The following AP2A2 variants were observed in gnomAD, a reference collection of about 807,000 sequenced individuals.
AP2A2 encodes the protein AP-2 complex subunit alpha-2.
Under a neutral mutation model 104.2 loss-of-function variants are expected in AP2A2, and 32 were observed. The observed-to-expected ratio is 0.31, with a 90% CI of 0.23 to 0.41. The LOEUF (loss-of-function observed/expected upper bound fraction) is 0.41. Among genes scored for constraint, AP2A2 ranks in the 10% least tolerant of loss-of-function variants. The probability of loss-of-function intolerance (pLI) is 1.00; values close to 1 mark genes in which losing one functional copy is unlikely to be tolerated. For missense variants in AP2A2, 912 were observed against 1,261.0 expected (o/e 0.72, Z 4.19); for synonymous variants, 539 against 533.3 (o/e 1.01, Z -0.15).
Position 993,348 on chromosome 11 carries a change from T to C in AP2A2, c.1517T>C (p.Phe506Ser), listed in dbSNP as rs1339184487. ...VKVGGYILGE[F>S]GNLIAGDPRS... ...GTGGGCGGCTACATCCTGGGGGAGT[T>C]TGGAAACTTGATAGCTGGAGACCCG... Residue 506 changes from phenylalanine (F) to serine (S), a missense_variant, in exon 12 of 22, where the codon TTT becomes TCT. This residue lies in a region of AP2A2 where 137 missense variants were observed against 186.9 expected (regional missense o/e 0.73). Transcript: ENST00000448903. This position sits in a 1 kb window ranked among gnomAD's most constrained non-coding sequence, Gnocchi z 8.2. The C allele has an allele frequency of 6.2e-7, 1 of 1,612,072 alleles. No individual in the cohort carries two copies. The highest frequency in any genetic ancestry group is 1.7e-4 in the Middle Eastern group (1 of 6,052).
In AP2A2 at chr11:993,554, G is replaced by A. The variant is rs185770774; in HGVS notation, c.1550+173G>A. ...GTTGATAGAAAAAGCAGGGATTCTA[G>A]TAGAAAATGGAGACGTGGGGTTGAT... On this transcript the variant is annotated intron_variant, in intron 12 of 21. Transcript: ENST00000448903. This position sits in a 1 kb window ranked among gnomAD's most constrained non-coding sequence, Gnocchi z 8.2. 9.3e-4 allele frequency among the ~76,000 whole-genome samples: 141 copies of A among 152,280 alleles called. 3 individuals are homozygous for A. Among genetic ancestry groups the A allele is most frequent in the Middle Eastern group, 6.8e-3 (2 of 294 alleles).
intron 2 of AP2A2, among the ~76,000 whole-genome samples, chr11:960,078 C>T (rs1056655146): frequency 4.6e-5 from 7 of 152,136 alleles, no homozygotes; most frequent in African/African-American, 1.7e-4. Context: ...CATACCTTAG[C>T]CACGGTGTAG....
chr11:937,239 C>T (rs561234372), intron 1 of AP2A2, among the ~76,000 whole-genome samples: 2 of 152,032 alleles, frequency 1.3e-5, no homozygotes, highest in East Asian at 1.9e-4. Context: ...AGGCTGGTCT[C>T]GAACTCCCGA....
At chr11:1,003,637 G>A (rs897727875) in intron 15 of AP2A2, 85 bp from the exon 16 acceptor site, 8 of 820,092 alleles carry the variant, frequency 9.8e-6, no homozygotes, top group African/African-American at 8.9e-5. Context: ...TGGCCTCCTC[G>A]TGCTGTGAGT....
intron 1 of AP2A2, among the ~76,000 whole-genome samples, chr11:934,085 G>GTCCT (rs1362242683): frequency 6.6e-6 from 1 of 151,982 alleles, no homozygotes; most frequent in Non-Finnish European, 1.5e-5. Flanking sequence ...GGCCAGGGAA[G>GTCCT]TCCTGACTCC....
intron 14 of AP2A2, among the ~76,000 whole-genome samples, chr11:996,867 G>A (rs372576848): frequency 6.6e-6 from 1 of 150,708 alleles, no homozygotes; most frequent in Non-Finnish European, 1.5e-5. Flanking sequence ...GGGCACCTCC[G>A]TCCTGACTGA....
chr11:985,376 G>T (rs1855416059), intron 7 of AP2A2, 59 bp from the exon 8 acceptor site: 1 of 1,573,464 alleles, frequency 6.4e-7, no homozygotes, highest in African/African-American at 1.4e-5. Context: ...AGCCGGGAGG[G>T]GCAGGGTGGG....
intron 1 of AP2A2, among the ~76,000 whole-genome samples, chr11:937,440 C>G (rs1384953719): frequency 1.3e-5 from 2 of 152,112 alleles, no homozygotes; most frequent in Non-Finnish European, 2.9e-5. Flanking sequence ...TGAACAGTAT[C>G]TTTTAAAAGT....
chr11:947,561 C>T (rs948240828), intron 1 of AP2A2, among the ~76,000 whole-genome samples: 5 of 151,894 alleles, frequency 3.3e-5, no homozygotes, highest in Admixed American at 1.3e-4. Context: ...TTTGGGAGGC[C>T]GAGGTGGGCG....
chr11:943,912 C>T lies in AP2A2; in HGVS notation c.68-15525C>T, dbSNP rs1424287121. 2.1e-5 allele frequency among the ~76,000 whole-genome samples: 3 copies of T among 141,620 alleles called. No individual in the cohort carries two copies. In the Admixed American group the frequency reaches 2.2e-4, roughly 10 times the overall value. The allele number at this position is 141,620 out of a possible 152,430, so 92.9% of individuals were successfully genotyped here. On this transcript the variant is annotated intron_variant, in intron 1 of 21. Coordinates refer to ENST00000448903, the MANE Select transcript of AP2A2 (RefSeq NM_012305.4). Reference sequence around the variant, plus strand: ...GAGATGCAGGTGGCAGCGGAGATGGCGAGAGTAAGAGAGTCCCGACCGGAG... The same window carrying T: ...GAGATGCAGGTGGCAGCGGAGATGGTGAGAGTAAGAGAGTCCCGACCGGAG...
intron 1 of AP2A2, among the ~76,000 whole-genome samples, chr11:934,999 C>G (rs1564779196): frequency 6.6e-6 from 1 of 151,682 alleles, no homozygotes; most frequent in South Asian, 2.1e-4. Flanking sequence ...GCTGGGATTA[C>G]AGGAGCGCAC....
chr11:977,924 A>G (rs892954131), intron 5 of AP2A2, among the ~76,000 whole-genome samples: 4 of 152,014 alleles, frequency 2.6e-5, no homozygotes, highest in African/African-American at 9.7e-5. Context: ...CCACTTTCCC[A>G]TGTTGCCGTG....
rs1441401157 is a variant in AP2A2, at chr11:925,929, C to T, written c.-93C>T. On this transcript the variant is annotated 5_prime_UTR_variant, in exon 1 of 22. Coordinates refer to ENST00000448903, the MANE Select transcript of AP2A2 (RefSeq NM_012305.4). ...TTAGGCGGCTCCCCGGCGGCTCCTCCGCGGCGGTGACGGCGACCGCACTCC... is the reference window on the plus strand; with the variant it reads ...TTAGGCGGCTCCCCGGCGGCTCCTCTGCGGCGGTGACGGCGACCGCACTCC... 2 of 1,017,650 alleles carry T rather than the reference C, an allele frequency of 2.0e-6. No individual in the cohort carries two copies. The highest frequency in any genetic ancestry group is 2.6e-6 in the Non-Finnish European group (2 of 766,452). 63.0% of individuals were successfully genotyped at this position (1,017,650 alleles called of 1,614,324 possible).
intron 3 of AP2A2, among the ~76,000 whole-genome samples, chr11:970,848 G>A (rs897899164): frequency 2.6e-5 from 4 of 152,224 alleles, no homozygotes; most frequent in South Asian, 2.1e-4. Flanking sequence ...GTCTTGGTGC[G>A]GAGGGTGCTC....
intron 3 of AP2A2, among the ~76,000 whole-genome samples, chr11:971,736 G>A (rs936367499): frequency 3.3e-5 from 5 of 152,164 alleles, no homozygotes; most frequent in Admixed American, 6.5e-5. Flanking sequence ...TGTGATGTCC[G>A]GAACACTCAG....
rs192819588 is a variant in AP2A2 at position 983,531 on chromosome 11, C to T, written c.706-1114C>T. 4.5e-3 allele frequency among the ~76,000 whole-genome samples: 682 copies of T among 152,018 alleles called. 7 individuals are homozygous for T. Among genetic ancestry groups the T allele is most frequent in the African/African-American group, 0.014 (574 of 41,414 alleles). ...TCGAGTAGCTGGGACTACAGGCGCC[C>T]GCCACCATGCCTGGCTAATTTTTTG... is the stretch of plus-strand genomic sequence containing the variant. On this transcript the variant is annotated intron_variant, in intron 6 of 21. Transcript: ENST00000448903.
At chr11:978,156 GCTGTGAGTCGGCAGGGC>G (rs1855114508) in intron 5 of AP2A2, among the ~76,000 whole-genome samples, 1 of 152,186 alleles carries the variant, frequency 6.6e-6, no homozygotes, top group Non-Finnish European at 1.5e-5. Context: ...CTATGTGGGA[GCTGTGAGTCGGCAGGGC>G]CTGGTCAGGG....
At chr11:1,005,529 G>A (rs1180116632) in intron 16 of AP2A2, among the ~76,000 whole-genome samples, 1 of 152,188 alleles carries the variant, frequency 6.6e-6, no homozygotes, top group East Asian at 1.9e-4. Flanking sequence ...ACATAAAAAA[G>A]CCTTTGAGTG....
At chr11:997,762 A>G (rs981993899) in intron 14 of AP2A2, among the ~76,000 whole-genome samples, 1 of 152,010 alleles carries the variant, frequency 6.6e-6, no homozygotes, top group African/African-American at 2.4e-5. Flanking sequence ...AAAATTAGCC[A>G]GGTGTGGTGG....
Sources: gnomAD v4.1 joint callset for allele counts (sites outside exome capture counted in the v4.1 genomes callset) on GRCh38, gnomAD v4.1.1 for gene constraint, gnomAD v4.1.1 regional missense constraint, Gnocchi (gnomAD v3.1) non-coding constraint, MANE v1.5 for transcripts, NCBI Gene and HGNC (gene_info 2026-07-23, HGNC 2026-07-21) for gene names.